SOD2: variants seen among roughly 807,000 people sequenced by gnomAD.
SOD2 encodes the protein superoxide dismutase 2.
SOD2 carries 11 observed loss-of-function variants against 27.0 expected under a neutral mutation model. The observed-to-expected ratio is 0.41, with a 90% confidence interval of 0.26 to 0.67. The LOEUF (loss-of-function observed/expected upper bound fraction) is 0.67, where lower values mean the gene tolerates loss of function less well. Among genes scored for constraint, SOD2 ranks in the 30% least tolerant of loss-of-function variants. The pLI, the probability that SOD2 is intolerant of heterozygous loss-of-function variation, is 0.34. For missense variants in SOD2, 250 were observed against 274.5 expected (o/e 0.91, Z 0.63); for synonymous variants, 105 against 103.0 (o/e 1.02, Z -0.12).
At position 159,693,156 on chromosome 6, in the gene SOD2, C is replaced by G; in HGVS notation, c.12G>C (p.Arg4=). Reference sequence around the variant, plus strand: ...CCCTTTCTTCTCACCCGCACACTGCCCGGCTCAACATGCTGCTAGTGCTGG... The same window carrying G: ...CCCTTTCTTCTCACCCGCACACTGCGCGGCTCAACATGCTGCTAGTGCTGG... MLS[R]AVCGTSRQLA... is the part of the protein sequence containing the mutation. Residue 4 remains arginine, a synonymous_variant, in exon 1 of 5, where the codon CGG becomes CGC. Transcript: ENST00000538183. The G allele has an allele frequency of 6.5e-7, 1 of 1,533,788 alleles. No individual in the cohort carries two copies. Among genetic ancestry groups the G allele is most frequent in the Non-Finnish European group, 8.8e-7 (1 of 1,139,996 alleles).
rs1779641200 is a variant in SOD2 at position 159,670,895 on chromosome 6, ACTG to A, written c.*11595_*11597del. On this transcript the variant is annotated 3_prime_UTR_variant, in exon 5 of 5. Transcript: ENST00000538183. ...AAAATTGGGTCACTCCCACCCTAAT[ACTG>A]CGTTTTTCCAATGGTCTTAGCAAAC... is the stretch of plus-strand genomic sequence containing the variant. 6.6e-6 allele frequency: 1 copy of A among 152,292 alleles called. No homozygotes were observed. The highest frequency in any genetic ancestry group is 2.4e-5 in the African/African-American group (1 of 41,440). The allele number at this position is 152,292 out of a possible 1,614,324, so 9.4% of individuals were successfully genotyped here.
exon 1 of SOD2, chr6:159,762,247 G>C: frequency 7.1e-7 from 1 of 1,406,246 alleles, no homozygotes; most frequent in Non-Finnish European, 9.5e-7. Context: ...GGAGGAAGCC[G>C]GTCAGGCCAA....
rs534715127 is a variant in SOD2 at position 159,689,961 on chromosome 6, G to GAA, written c.227-1721_227-1720dup. Among the ~76,000 whole-genome samples the GAA allele has an allele frequency of 5.8e-5, 8 of 137,088 alleles. No homozygotes were observed. The East Asian group carries it at 1.1e-3, about 18-fold the overall frequency. 89.9% of individuals were successfully genotyped at this position (137,088 alleles called of 152,430 possible). On this transcript the variant is annotated intron_variant, in intron 2 of 4. Transcript: ENST00000538183. ...GGCGACAGGGCAATACTCCGTCACA[G>GAA]AAAAAAAAAAAGAAAGAGAAAGAAA...
chr6:159,700,187 G>A (rs1403458286), intron 1 of SOD2, among the ~76,000 whole-genome samples: 1 of 152,190 alleles, frequency 6.6e-6, no homozygotes. Flanking sequence ...ATATTTAAGA[G>A]TGGGACAATT....
At chr6:159,687,765 T>C (rs1780259313) in intron 3 of SOD2, among the ~76,000 whole-genome samples, 1 of 152,062 alleles carries the variant, frequency 6.6e-6, no homozygotes, top group African/African-American at 2.4e-5. Flanking sequence ...TCCCAGCACT[T>C]TGGGAGGCCA....
At chr6:159,709,369 T>G (rs1777686785) in intron 1 of SOD2, among the ~76,000 whole-genome samples, 1 of 152,180 alleles carries the variant, frequency 6.6e-6, no homozygotes, top group Non-Finnish European at 1.5e-5. Context: ...TCTACTCATC[T>G]GACAAAGGGC....
intron 3 of SOD2, among the ~76,000 whole-genome samples, chr6:159,686,968 C>T (rs912878244): frequency 3.3e-5 from 5 of 152,156 alleles, no homozygotes; most frequent in African/African-American, 1.2e-4. Context: ...GACCATCTAG[C>T]CCTGTACTCT....
At chr6:159,716,989 T>C (rs1048866476) in intron 1 of SOD2, among the ~76,000 whole-genome samples, 1 of 152,236 alleles carries the variant, frequency 6.6e-6, no homozygotes, top group African/African-American at 2.4e-5. Context: ...AGTACAGCAA[T>C]GCCTAGTCAT....
rs1415397496 is a variant in SOD2 at position 159,675,194 on chromosome 6, T to G, written c.*7299A>C. ...TGCCCAAGGTAATTTATAGATTCAA[T>G]GCCATCCCCATCAAGCTACCCATGA... On this transcript the variant is annotated 3_prime_UTR_variant, in exon 5 of 5. Transcript: ENST00000538183. The G allele has an allele frequency of 6.6e-6, 1 of 152,184 alleles. No individual in the cohort carries two copies. Among genetic ancestry groups the G allele is most frequent in the Non-Finnish European group, 1.5e-5 (1 of 68,054 alleles). 9.4% of individuals were successfully genotyped at this position (152,184 alleles called of 1,614,324 possible). A position where few individuals can be genotyped will look rare whatever the true frequency, so the allele number is the denominator to read the frequency against.
intron 1 of SOD2, among the ~76,000 whole-genome samples, chr6:159,725,100 G>A (rs768121274): frequency 9.9e-5 from 15 of 152,092 alleles, no homozygotes; most frequent in South Asian, 2.1e-4. Context: ...GTATATGCTC[G>A]CAGAAGGTCC....
Position 159,692,846 on chromosome 6 carries a change from G to C in SOD2, c.41C>G (p.Ala14Gly). ...RAVCGTSRQLAPVLGYLGSRQ... is the reference protein window; with the variant it reads ...RAVCGTSRQLGPVLGYLGSRQ... ...GGAGCCCAGATACCCCAAAACCGGA[G>C]CCAGCTGCCTGCTGGTGCTGAAGAC... Residue 14 changes from alanine to glycine, a missense_variant, in exon 2 of 5, where the codon GCT becomes GGT. Transcript: ENST00000538183. The C allele has an allele frequency of 3.1e-6, 5 of 1,610,624 alleles. No individual in the cohort carries two copies. Among genetic ancestry groups the C allele is most frequent in the Non-Finnish European group, 4.2e-6 (5 of 1,178,936 alleles).
intron 1 of SOD2, chr6:159,743,606 CAG>C (rs1199421839): frequency 8.7e-6 from 13 of 1,486,428 alleles, no homozygotes; most frequent in Admixed American, 2.1e-5. Context: ...TTGTTCTTGA[CAG>C]AGGTATTTAG....
chr6:159,733,315 G>C (rs888115920), intron 1 of SOD2, among the ~76,000 whole-genome samples: 1 of 152,148 alleles, frequency 6.6e-6, no homozygotes, highest in Non-Finnish European at 1.5e-5. Context: ...TGTATCCCTT[G>C]AGAAAGATTA....
At chr6:159,711,324 C>G (rs556927080) in intron 1 of SOD2, among the ~76,000 whole-genome samples, 2 of 49,598 alleles carry the variant, frequency 4.0e-5, no homozygotes, top group Non-Finnish European at 7.5e-5. Context: ...ATAACCACCA[C>G]TCACACTGCT....
chr6:159,710,270 C>CATACAT (rs1554261119), intron 1 of SOD2, among the ~76,000 whole-genome samples: 1 of 143,478 alleles, frequency 7.0e-6, no homozygotes, highest in Non-Finnish European at 1.5e-5. Context: ...AGTATAAATA[C>CATACAT]ATATATATAT....
intron 1 of SOD2, among the ~76,000 whole-genome samples, chr6:159,706,931 G>C (rs1419282235): frequency 2.6e-5 from 4 of 152,148 alleles, no homozygotes; most frequent in Non-Finnish European, 5.9e-5. Flanking sequence ...TCAAACCACA[G>C]TGCAATCAAA....
upstream of SOD2, among the ~76,000 whole-genome samples, chr6:159,693,535 C>T (rs1262529610): frequency 6.6e-6 from 1 of 152,178 alleles, no homozygotes; most frequent in Middle Eastern, 3.2e-3. Context: ...GCGGCCCCTG[C>T]CCCCGTGGAG....
At chr6:159,693,422 C>T (rs919232883), upstream of SOD2, 1 of 163,952 alleles carries the variant, frequency 6.1e-6, no homozygotes. Flanking sequence ...TTGCCGTACA[C>T]CCCGCGCCCA....
chr6:159,692,574 C>G, intron 2 of SOD2, 87 bp downstream of exon 2: 2 of 1,577,412 alleles, frequency 1.3e-6, no homozygotes, highest in Non-Finnish European at 1.7e-6. Flanking sequence ...GAGTTCTCCT[C>G]CACGGAGAGG....
Sources: allele counts gnomAD v4.1 joint callset (sites outside exome capture counted in the v4.1 genomes callset), GRCh38; gene constraint gnomAD v4.1.1; transcripts MANE v1.5; gene names NCBI Gene and HGNC (gene_info 2026-07-23, HGNC 2026-07-21).